WWOX: variants seen among roughly 807,000 people sequenced by gnomAD.
The protein encoded by WWOX is WW domain containing oxidoreductase.
Under a neutral mutation model 46.2 loss-of-function variants are expected in WWOX, and 69 were observed. That is an observed-to-expected ratio of 1.49 (90% CI 1.23 to 1.82). The LOEUF is 1.82. WWOX is among the 40% of genes most tolerant of loss of function. WWOX has a pLI of 0.00. For missense variants in WWOX, 919 were observed against 542.6 expected (o/e 1.69, Z -6.89); for synonymous variants, 359 against 202.6 (o/e 1.77, Z -6.56).
At chr16:78,542,018 C>A (rs1466710603) in intron 8 of WWOX, among the ~76,000 whole-genome samples, 138 of 40,596 alleles carry the variant, frequency 3.4e-3, no homozygotes, top group African/African-American at 6.4e-3. Flanking sequence ...CAGAGTATAC[C>A]AAAAAAAAAA....
intron 8 of WWOX, among the ~76,000 whole-genome samples, chr16:78,901,049 A>AC (rs2044819521): frequency 6.6e-6 from 1 of 152,110 alleles, no homozygotes; most frequent in Non-Finnish European, 1.5e-5. Context: ...CTCTTTTCAG[A>AC]CCCAACCCTT....
At chr16:78,308,741 T>G (rs1197429382) in intron 5 of WWOX, among the ~76,000 whole-genome samples, 1 of 152,172 alleles carries the variant, frequency 6.6e-6, no homozygotes, top group Non-Finnish European at 1.5e-5. Flanking sequence ...GCCTATTTCC[T>G]GGAGGCTTCA....
chr16:78,312,063 C>T (rs1043788723), intron 5 of WWOX, among the ~76,000 whole-genome samples: 2 of 152,134 alleles, frequency 1.3e-5, no homozygotes, highest in East Asian at 1.9e-4. Context: ...TGGGCTGACT[C>T]CTTCAATGGC....
At position 78,967,356 on chromosome 16, in the gene WWOX, C is replaced by A. The variant is rs565704906; in HGVS notation, c.1057-244252C>A. ...CCAGGCTGGAGTGCAGTGGCATGAT[C>A]ATGGCTCACTGCAGCCTCCCGGGCT... is the stretch of plus-strand genomic sequence containing the variant. On this transcript the variant is annotated intron_variant, in intron 8 of 8. Transcript: ENST00000566780. Among the ~76,000 whole-genome samples the A allele has an allele frequency of 1.9e-4, 25 of 128,692 alleles. No individual in the cohort carries two copies. In the South Asian group the frequency reaches 6.4e-3, roughly 33 times the overall value. The allele number at this position is 128,692 out of a possible 152,430, so 84.4% of individuals were successfully genotyped here. A position where few individuals can be genotyped will look rare whatever the true frequency, so the allele number is the denominator to read the frequency against.
In WWOX at chr16:78,495,179, C is replaced by T. The variant is rs1204339513; in HGVS notation, c.1056+62427C>T. ...TTTTTTGAGATAGACTCTTGCCTGT[C>T]GCCCAGGTTGCAGTGCGGTGGCATG... On this transcript the variant is annotated intron_variant, in intron 8 of 8. Coordinates refer to ENST00000566780, the MANE Select transcript of WWOX (RefSeq NM_016373.4). 5.7e-5 allele frequency among the ~76,000 whole-genome samples: 7 copies of T among 123,188 alleles called. 1 individual carries two copies. In the South Asian group the frequency reaches 7.7e-4, roughly 14 times the overall value. The allele number at this position is 123,188 out of a possible 152,430, so 80.8% of individuals were successfully genotyped here. A position where few individuals can be genotyped will look rare whatever the true frequency, so the allele number is the denominator to read the frequency against.
At chr16:78,784,855 A>G (rs1486683864) in intron 8 of WWOX, among the ~76,000 whole-genome samples, 7 of 152,080 alleles carry the variant, frequency 4.6e-5, no homozygotes, top group African/African-American at 1.4e-4. Context: ...GAAGGTGTCT[A>G]TGTGTTCTCC....
At chr16:78,865,780 G>A (rs1262350358) in intron 8 of WWOX, among the ~76,000 whole-genome samples, 3 of 152,112 alleles carry the variant, frequency 2.0e-5, no homozygotes, top group South Asian at 2.1e-4. Context: ...CTCAGGAGAC[G>A]GAGGCAGGAG....
chr16:78,433,232 C>T (rs923484192), intron 8 of WWOX, among the ~76,000 whole-genome samples: 1 of 152,024 alleles, frequency 6.6e-6, no homozygotes, highest in Non-Finnish European at 1.5e-5. Context: ...GGGTATAATC[C>T]TCTGTTGGAG....
intron 5 of WWOX, among the ~76,000 whole-genome samples, chr16:78,243,080 A>G (rs541768754): frequency 6.6e-6 from 1 of 152,238 alleles, no homozygotes; most frequent in African/African-American, 2.4e-5. Flanking sequence ...CCTCTCACCC[A>G]GGTCCATTCT....
At chr16:78,351,916 C>T (rs887442318) in intron 5 of WWOX, among the ~76,000 whole-genome samples, 2 of 152,168 alleles carry the variant, frequency 1.3e-5, no homozygotes, top group Non-Finnish European at 2.9e-5. Flanking sequence ...CTCAGCCTCC[C>T]AAAGTGCTGG....
chr16:78,324,606 T>C (rs989414812), intron 5 of WWOX, among the ~76,000 whole-genome samples: 4 of 152,092 alleles, frequency 2.6e-5, no homozygotes, highest in Non-Finnish European at 5.9e-5. Context: ...TTTATATTCA[T>C]AAAAATGGAC....
In WWOX at chr16:79,073,681, G is replaced by T. The variant is rs185503959; in HGVS notation, c.1057-137927G>T. Among the ~76,000 whole-genome samples the T allele has an allele frequency of 1.6e-3, 242 of 152,144 alleles. 3 individuals are homozygous for T. The highest frequency in any genetic ancestry group is 7.6e-4 in the Non-Finnish European group (52 of 68,014). On this transcript the variant is annotated intron_variant, in intron 8 of 8. Coordinates refer to ENST00000566780, the MANE Select transcript of WWOX (RefSeq NM_016373.4). ...GCCTGGGAAGAGACTATATTTCCCTGCTTGCCTTTGCAGCTAGAGTGATCC... is the reference window on the plus strand; with the variant it reads ...GCCTGGGAAGAGACTATATTTCCCTTCTTGCCTTTGCAGCTAGAGTGATCC...
intron 8 of WWOX, among the ~76,000 whole-genome samples, chr16:78,483,568 C>T (rs927649368): frequency 1.3e-4 from 20 of 152,076 alleles, no homozygotes; most frequent in African/African-American, 4.6e-4. Context: ...TGGTGCTGTA[C>T]GCAGACTCGG....
At chr16:78,567,281 C>T (rs1245871945) in intron 8 of WWOX, among the ~76,000 whole-genome samples, 1 of 152,004 alleles carries the variant, frequency 6.6e-6, no homozygotes, top group Non-Finnish European at 1.5e-5. Context: ...CGCGGTGGCT[C>T]ACGCCTGTAA....
chr16:78,910,445 T>A (rs1467674456), intron 8 of WWOX, among the ~76,000 whole-genome samples: 1 of 151,982 alleles, frequency 6.6e-6, no homozygotes, highest in Non-Finnish European at 1.5e-5. Flanking sequence ...CAGGAGAACC[T>A]TGTTCATCCG....
chr16:78,146,296 G>T (rs1236035870), intron 4 of WWOX, among the ~76,000 whole-genome samples: 1 of 152,094 alleles, frequency 6.6e-6, no homozygotes, highest in Non-Finnish European at 1.5e-5. Context: ...CCAACTCAGA[G>T]CTCTTTCTCT....
rs762650030 is a variant in WWOX at position 78,327,869 on chromosome 16, ATTTTTTTTTTTTT to A, written c.517-58976_517-58964del. ...AATGAGCTAGCCTGAATGAGTCCTG[ATTTTTTTTTTTTT>A]TTTTTTTTTTTTTTGAGATGATCTT... is the stretch of plus-strand genomic sequence containing the variant. On this transcript the variant is annotated intron_variant, in intron 5 of 8. Coordinates refer to ENST00000566780, the MANE Select transcript of WWOX (RefSeq NM_016373.4). Among the ~76,000 whole-genome samples the A allele has an allele frequency of 1.3e-3, 103 of 81,096 alleles. 1 individual carries two copies. The highest frequency in any genetic ancestry group is 5.3e-3 in the African/African-American group (99 of 18,716). 53.2% of individuals were successfully genotyped at this position (81,096 alleles called of 152,430 possible).
chr16:78,178,423 C>G (rs1401409605), intron 5 of WWOX, among the ~76,000 whole-genome samples: 2 of 152,208 alleles, frequency 1.3e-5, no homozygotes, highest in East Asian at 1.9e-4. Context: ...CGCTTTTATT[C>G]TAGAGCGTCT....
chr16:78,968,252 C>T (rs780379623), intron 8 of WWOX, among the ~76,000 whole-genome samples: 1 of 152,204 alleles, frequency 6.6e-6, no homozygotes, highest in African/African-American at 2.4e-5. Flanking sequence ...AGTGAATGGG[C>T]GATTTCCAGA....
Sources: allele counts gnomAD v4.1 joint callset (sites outside exome capture counted in the v4.1 genomes callset), GRCh38; gene constraint gnomAD v4.1.1; transcripts MANE v1.5; gene names NCBI Gene and HGNC (gene_info 2026-07-23, HGNC 2026-07-21).